Variants in PLCB4 observed in about 807,000 individuals in gnomAD.
The protein encoded by PLCB4 is 1-phosphatidylinositol 4,5-bisphosphate phosphodiesterase beta-4.
In PLCB4, 77 loss-of-function variants were observed where a neutral mutation model predicts 178.8. That is an observed-to-expected ratio of 0.43 (90% CI 0.36 to 0.52). PLCB4 has a LOEUF of 0.52. Among genes scored for constraint, PLCB4 ranks in the 20% least tolerant of loss-of-function variants. The pLI, the probability that PLCB4 is intolerant of heterozygous loss-of-function variation, is 0.00. For missense variants in PLCB4, 1,024 were observed against 1,453.4 expected (o/e 0.70, Z 4.80); for synonymous variants, 496 against 490.8 (o/e 1.01, Z -0.14).
At chr20:9,102,872 A>G (rs1317446921) in intron 2 of PLCB4, among the ~76,000 whole-genome samples, 2 of 152,150 alleles carry the variant, frequency 1.3e-5, no homozygotes, top group East Asian at 3.8e-4. Flanking sequence ...GATTATTATG[A>G]ACACCAAAAA....
At chr20:9,431,551 C>T (rs2041397768) in intron 28 of PLCB4, among the ~76,000 whole-genome samples, 1 of 152,022 alleles carries the variant, frequency 6.6e-6, no homozygotes, top group South Asian at 2.1e-4. Context: ...CTGCAACCTC[C>T]ACTTGCCAGG....
intron 10 of PLCB4, 53 bp from the exon 11 acceptor site, chr20:9,372,244 TCTCACC>T (rs2036310726): frequency 5.2e-6 from 5 of 955,184 alleles, no homozygotes; most frequent in Non-Finnish European, 8.4e-6. Flanking sequence ...CCCTGTAGCT[TCTCACC>T]CTCCAAGGGA....
chr20:9,117,252 C>T (rs1312591231), intron 2 of PLCB4, among the ~76,000 whole-genome samples: 1 of 152,204 alleles, frequency 6.6e-6, no homozygotes, highest in African/African-American at 2.4e-5. Context: ...CACCTTCATA[C>T]ATTTTTTCAC....
chr20:9,081,666 A>G (rs1207729150), intron 1 of PLCB4, among the ~76,000 whole-genome samples: 1 of 151,836 alleles, frequency 6.6e-6, no homozygotes, highest in Non-Finnish European at 1.5e-5. Context: ...TCTGGTGCAT[A>G]TTAGTGACTA....
At chr20:9,371,926 A>C (rs567259894) in intron 10 of PLCB4, among the ~76,000 whole-genome samples, 1 of 152,224 alleles carries the variant, frequency 6.6e-6, no homozygotes, top group Non-Finnish European at 1.5e-5. Flanking sequence ...AAAATTCACA[A>C]AATAAGCATA....
intron 20 of PLCB4, among the ~76,000 whole-genome samples, chr20:9,404,422 A>G (rs986668799): frequency 7.9e-5 from 12 of 152,094 alleles, no homozygotes; most frequent in African/African-American, 2.2e-4. Flanking sequence ...TTGAACATCT[A>G]TTAAGACTCA....
rs150197401 is a variant in PLCB4 at position 9,074,200 on chromosome 20, A to G, written c.-135+4994A>G. 5.7e-3 allele frequency among the ~76,000 whole-genome samples: 866 copies of G among 152,254 alleles called. 8 individuals are homozygous for G. Among genetic ancestry groups the G allele is most frequent in the African/African-American group, 0.02 (829 of 41,544 alleles). On this transcript the variant is annotated intron_variant, in intron 1 of 39. Coordinates refer to ENST00000378473, the MANE Select transcript of PLCB4 (RefSeq NM_001377142.1). ...GAGCCTCAGTTGCCCTATCTGTAAA[A>G]TGAGGAGAATAACCCTATGGGGCAA...
rs1008069351 is a variant in PLCB4 at position 9,444,189 on chromosome 20, G to A, written c.2826G>A (p.Lys942=). The part of the protein sequence containing the change: ...EDLKQMKAYL[K]HLKKQQKELN... Reference sequence around the variant, plus strand: ...TTTTTCTCCCAAAGGCTTACTTGAAGCATTTAAAGAAACAGCAGAAGGAGC... The same window carrying A: ...TTTTTCTCCCAAAGGCTTACTTGAAACATTTAAAGAAACAGCAGAAGGAGC... Residue 942 remains lysine (K), a synonymous_variant, in exon 32 of 40, where the codon AAG becomes AAA. Transcript: ENST00000378473. 6.2e-6 allele frequency: 10 copies of A among 1,603,130 alleles called. No homozygotes were observed. Among genetic ancestry groups the A allele is most frequent in the Non-Finnish European group, 8.5e-6 (10 of 1,171,394 alleles).
At chr20:9,380,713 C>T (rs534777108) in intron 13 of PLCB4, among the ~76,000 whole-genome samples, 30 of 152,166 alleles carry the variant, frequency 2.0e-4, no homozygotes, top group Non-Finnish European at 3.7e-4. Context: ...AAGGGTTGTT[C>T]GCACAAATAT....
At chr20:9,256,441 T>G (rs1443072769) in intron 3 of PLCB4, among the ~76,000 whole-genome samples, 1 of 152,204 alleles carries the variant, frequency 6.6e-6, no homozygotes, top group African/African-American at 2.4e-5. Flanking sequence ...AAGTAGAAAC[T>G]TACCCCTGCA....
intron 2 of PLCB4, among the ~76,000 whole-genome samples, chr20:9,169,723 C>T (rs1012594088): frequency 6.6e-6 from 1 of 152,062 alleles, no homozygotes; most frequent in African/African-American, 2.4e-5. Context: ...TTCAGTGATT[C>T]CTTCCCATTG....
At chr20:9,271,617 T>C (rs2147621728) in intron 3 of PLCB4, among the ~76,000 whole-genome samples, 1 of 152,288 alleles carries the variant, frequency 6.6e-6, no homozygotes, top group East Asian at 1.9e-4. Context: ...TACTTATCCC[T>C]GTAAAAAAAT....
chr20:9,088,191 T>C (rs1183936222), intron 1 of PLCB4, among the ~76,000 whole-genome samples: 5 of 140,490 alleles, frequency 3.6e-5, no homozygotes, highest in South Asian at 2.3e-4. Context: ...TTTTTTTTTT[T>C]TTTTTGCCTT....
intron 27 of PLCB4, among the ~76,000 whole-genome samples, chr20:9,422,985 G>A (rs921889196): frequency 6.6e-6 from 1 of 152,166 alleles, no homozygotes; most frequent in Non-Finnish European, 1.5e-5. Flanking sequence ...CAATAAAAAG[G>A]CATTCCTGAT....
At chr20:9,347,967 C>G (rs2033970652) in intron 7 of PLCB4, among the ~76,000 whole-genome samples, 1 of 152,148 alleles carries the variant, frequency 6.6e-6, no homozygotes, top group Admixed American at 6.5e-5. Context: ...AGTGAGACTC[C>G]ATCTCAAAAA....
At chr20:9,140,649 G>C (rs1311271733) in intron 2 of PLCB4, among the ~76,000 whole-genome samples, 2 of 151,834 alleles carry the variant, frequency 1.3e-5, no homozygotes, top group African/African-American at 2.4e-5. Flanking sequence ...ATTCACGTGA[G>C]AGCTGGTGGT....
intron 2 of PLCB4, among the ~76,000 whole-genome samples, chr20:9,149,388 C>A (rs1423816201): frequency 1.3e-5 from 2 of 152,176 alleles, no homozygotes; most frequent in Non-Finnish European, 2.9e-5. Context: ...TGTGGTCTGT[C>A]AGTCATTCTC....
chr20:9,131,746 G>T (rs1449680904), intron 2 of PLCB4, among the ~76,000 whole-genome samples: 5 of 152,100 alleles, frequency 3.3e-5, no homozygotes, highest in African/African-American at 1.2e-4. Context: ...TCATGCCCTT[G>T]TCTATTATAT....
intron 17 of PLCB4, among the ~76,000 whole-genome samples, chr20:9,391,920 A>T (rs1277741480): frequency 6.6e-6 from 1 of 152,116 alleles, no homozygotes; most frequent in Non-Finnish European, 1.5e-5. Flanking sequence ...ACCCTTGATG[A>T]GCTGCCTGTC....
Sources: allele counts gnomAD v4.1 joint callset (sites outside exome capture counted in the v4.1 genomes callset), GRCh38; gene constraint gnomAD v4.1.1; transcripts MANE v1.5; gene names NCBI Gene and HGNC (gene_info 2026-07-23, HGNC 2026-07-21).